The following POLR2I variants were observed in gnomAD, a reference collection of about 807,000 sequenced individuals.
The protein encoded by POLR2I is DNA-directed RNA polymerase II subunit RPB9.
A neutral mutation model predicts 23.0 loss-of-function variants in POLR2I; 15 were observed. The ratio of observed to expected loss-of-function variants is 0.65; its 90% CI spans 0.44 to 1.00. The LOEUF (loss-of-function observed/expected upper bound fraction) is 1.00. POLR2I is among the 50% of genes least tolerant of loss of function. The pLI is 0.00. For synonymous variants in POLR2I, 72 were observed against 65.4 expected (o/e 1.10, Z -0.49); for missense variants, 120 against 173.7 (o/e 0.69, Z 1.74).
At position 36,113,726 on chromosome 19, in the gene POLR2I, T is replaced by C. The variant is rs1973885989; in HGVS notation, c.*29A>G. The C allele has an allele frequency of 3.7e-6, 6 of 1,609,190 alleles. 1 individual carries two copies. The South Asian group carries it at 5.5e-5, about 15-fold the overall frequency. On this transcript the variant is annotated 3_prime_UTR_variant, in exon 6 of 6. Transcript: ENST00000221859. Reference sequence around the variant, plus strand: ...CAGAAAACTCACGCATGGAATCTGGTGTTTATTACACTCGGGGGAGAGAGG... The same window carrying C: ...CAGAAAACTCACGCATGGAATCTGGCGTTTATTACACTCGGGGGAGAGAGG...
At position 36,114,669 on chromosome 19, in the gene POLR2I, A is replaced by G; in HGVS notation, c.104T>C (p.Leu35Pro). The G allele has an allele frequency of 6.2e-7, 1 of 1,609,848 alleles. No homozygotes were observed. The highest frequency in any genetic ancestry group is 8.5e-7 in the Non-Finnish European group (1 of 1,176,540). ...YPKEDKENRI[L>P]LYACRNCDYQ... ...GACCCCGGCGCTCACCGCGTAGAGCAGAATGCGGTTCTCCTTGTCTTCCTT... is the reference window on the plus strand; with the variant it reads ...GACCCCGGCGCTCACCGCGTAGAGCGGAATGCGGTTCTCCTTGTCTTCCTT... Residue 35 changes from leucine to proline, a missense_variant, in exon 2 of 6, where the codon CTG becomes CCG. Coordinates refer to ENST00000221859, the MANE Select transcript of POLR2I (RefSeq NM_006233.5). The surrounding 1 kb of genome is among the most constrained non-coding windows in gnomAD (Gnocchi z 4.5).
In POLR2I at chr19:36,114,247, G is replaced by T; in HGVS notation, c.193C>A (p.Leu65Met). The T allele has an allele frequency of 6.2e-7, 1 of 1,613,944 alleles. No individual in the cohort carries two copies. The highest frequency in any genetic ancestry group is 8.5e-7 in the Non-Finnish European group (1 of 1,179,936). The change falls in exon 4 of 6, where the codon CTG becomes ATG. Residue 65 changes from leucine (L) to methionine (M), a missense_variant. Leu to Met is a conservative substitution (Grantham distance 15, BLOSUM62 2). Transcript: ENST00000221859. The surrounding 1 kb of genome is among the most constrained non-coding windows in gnomAD (Gnocchi z 4.5). ...GACACGTCGGCGATAATCTGGGTCA[G>T]TTCGCTGCAGGGACGCGGGGGTGCA... is the stretch of plus-strand genomic sequence containing the variant. ...VNKITHEVDE[L>M]TQIIADVSQD...
Position 36,114,478 on chromosome 19 carries a change from G to T in POLR2I, c.115-66C>A. ...GATTCCAGACAAGATTGGGAGGAGA[G>T]GGCAGGGTGATCCCGGAGGATATGA... On this transcript the variant is annotated intron_variant, in intron 2 of 5. Coordinates refer to ENST00000221859, the MANE Select transcript of POLR2I (RefSeq NM_006233.5). The surrounding 1 kb of genome is among the most constrained non-coding windows in gnomAD (Gnocchi z 4.5). The T allele has an allele frequency of 6.7e-7, 1 of 1,483,374 alleles. No homozygotes were observed. 91.9% of individuals were successfully genotyped at this position (1,483,374 alleles called of 1,614,324 possible). A position where few individuals can be genotyped will look rare whatever the true frequency, so the allele number is the denominator to read the frequency against.
Position 36,113,799 on chromosome 19 carries a change from AGTAAAGGCGCATGGCG to A in POLR2I, c.318_333del (p.Ala107ThrfsTer30). On this transcript the variant is annotated frameshift_variant and splice_region_variant, in exon 6 of 6. Coordinates refer to ENST00000221859, the MANE Select transcript of POLR2I (RefSeq NM_006233.5). LOFTEE classifies it high-confidence loss of function. ...CCGCAGTGTGGGGCTGTGCACACGTAGTAAAGGCGCATGGCGTCCTGGCAGAAATGATGCATGGTTA... is the reference window on the plus strand; with the variant it reads ...CCGCAGTGTGGGGCTGTGCACACGTATCCTGGCAGAAATGATGCATGGTTA... 6.2e-7 allele frequency: 1 copy of A among 1,613,118 alleles called. No homozygotes were observed. Among genetic ancestry groups the A allele is most frequent in the Non-Finnish European group, 8.5e-7 (1 of 1,179,940 alleles).
Position 36,114,594 on chromosome 19 carries a change from G to T in POLR2I, c.114+65C>A. 6.8e-7 allele frequency: 1 copy of T among 1,476,100 alleles called. No individual in the cohort carries two copies. Among genetic ancestry groups the T allele is most frequent in the Non-Finnish European group, 9.4e-7 (1 of 1,065,632 alleles). 91.4% of individuals were successfully genotyped at this position (1,476,100 alleles called of 1,614,324 possible). On this transcript the variant is annotated intron_variant, in intron 2 of 5. Transcript: ENST00000221859. The surrounding 1 kb of genome is among the most constrained non-coding windows in gnomAD (Gnocchi z 4.5). ...GCGAACAGGGAGTCCGATCACAGAG[G>T]CAGGGGGCAGGGCGGGGCCACGCTG...
In POLR2I at chr19:36,114,262, G is replaced by A; in HGVS notation, c.189-11C>T. 4 of 1,613,972 alleles carry A rather than the reference G, an allele frequency of 2.5e-6. No homozygotes were observed. Among genetic ancestry groups the A allele is most frequent in the Non-Finnish European group, 3.4e-6 (4 of 1,179,936 alleles). On this transcript the variant is annotated splice_polypyrimidine_tract_variant and intron_variant, in intron 3 of 5. Coordinates refer to ENST00000221859, the MANE Select transcript of POLR2I (RefSeq NM_006233.5). The surrounding 1 kb of genome is among the most constrained non-coding windows in gnomAD (Gnocchi z 4.5). ...ATCTGGGTCAGTTCGCTGCAGGGAC[G>A]CGGGGGTGCAAAATTACGCTCAGAC...
At position 36,114,051 on chromosome 19, in the gene POLR2I, C is replaced by G. The variant is rs1973893937; in HGVS notation, c.279G>C (p.Glu93Asp). Residue 93 changes from glutamate (E) to aspartate (D), a missense_variant, in exon 5 of 6, where the codon GAG (glutamate) becomes GAC (aspartate). Physicochemically the swap from Glu to Asp is conservative, Grantham distance 45 (BLOSUM62 2). Transcript: ENST00000221859. This position sits in a 1 kb window ranked among gnomAD's most constrained non-coding sequence, Gnocchi z 4.5. ...DHPCQKCGHKEAVFFQSHSAR... is the reference protein window; with the variant it reads ...DHPCQKCGHKDAVFFQSHSAR... ...CACTGTGTGACTGGAAGAACACAGCCTCCTTGTGGCCGCACCTGAGAGGGT... is the reference window on the plus strand; with the variant it reads ...CACTGTGTGACTGGAAGAACACAGCGTCCTTGTGGCCGCACCTGAGAGGGT... 6.2e-7 allele frequency: 1 copy of G among 1,614,094 alleles called. No individual in the cohort carries two copies. The highest frequency in any genetic ancestry group is 1.1e-5 in the South Asian group (1 of 91,082).
At position 36,114,507 on chromosome 19, in the gene POLR2I, C is replaced by G; in HGVS notation, c.115-95G>C. The G allele has an allele frequency of 7.3e-7, 1 of 1,366,304 alleles. No individual in the cohort carries two copies. Among genetic ancestry groups the G allele is most frequent in the South Asian group, 1.2e-5 (1 of 85,736 alleles). The allele number at this position is 1,366,304 out of a possible 1,614,324, so 84.6% of individuals were successfully genotyped here. A position where few individuals can be genotyped will look rare whatever the true frequency, so the allele number is the denominator to read the frequency against. ...AGGGTGATCCCGGAGGATATGACGA[C>G]AGGACTCTCTTTGGGGATGGGCAGG... On this transcript the variant is annotated intron_variant, in intron 2 of 5. Transcript: ENST00000221859. This position sits in a 1 kb window ranked among gnomAD's most constrained non-coding sequence, Gnocchi z 4.5.
Position 36,114,298 on chromosome 19 carries a change from G to C in POLR2I, c.188+41C>G. 6.2e-7 allele frequency: 1 copy of C among 1,613,012 alleles called. No homozygotes were observed. Among genetic ancestry groups the C allele is most frequent in the Non-Finnish European group, 8.5e-7 (1 of 1,179,468 alleles). ...AAATTACGCTCAGACCCAGCCTCCAGAGCCAACACCCCCGCCCCCAGCTCA... is the reference window on the plus strand; with the variant it reads ...AAATTACGCTCAGACCCAGCCTCCACAGCCAACACCCCCGCCCCCAGCTCA... On this transcript the variant is annotated intron_variant, in intron 3 of 5. Transcript: ENST00000221859. The surrounding 1 kb of genome is among the most constrained non-coding windows in gnomAD (Gnocchi z 4.5).
Position 36,114,085 on chromosome 19 carries a change from G to A in POLR2I, c.264-19C>T, listed in dbSNP as rs373777567. The A allele has an allele frequency of 3.1e-6, 5 of 1,613,778 alleles. No homozygotes were observed. The highest frequency in any genetic ancestry group is 4.5e-5 in the East Asian group (2 of 44,876). On this transcript the variant is annotated intron_variant, in intron 4 of 5. Transcript: ENST00000221859. This position sits in a 1 kb window ranked among gnomAD's most constrained non-coding sequence, Gnocchi z 4.5. ...GCCGCACCTGAGAGGGTAGGGGCTC[G>A]GTCACCGGAGGCTTCACACCCTTCC...
In POLR2I at chr19:36,114,442, G is replaced by A; in HGVS notation, c.115-30C>T. ...GAGAGGGCGAGTGTGGGGGAAAGGG[G>A]GTCACGGAAGGATTCCAGACAAGAT... On this transcript the variant is annotated intron_variant, in intron 2 of 5. Coordinates refer to ENST00000221859, the MANE Select transcript of POLR2I (RefSeq NM_006233.5). This position sits in a 1 kb window ranked among gnomAD's most constrained non-coding sequence, Gnocchi z 4.5. 1.9e-6 allele frequency: 3 copies of A among 1,598,312 alleles called. No individual in the cohort carries two copies. Among genetic ancestry groups the A allele is most frequent in the African/African-American group, 2.7e-5 (2 of 74,730 alleles).
Position 36,114,556 on chromosome 19 carries a change from G to T in POLR2I, c.114+103C>A. 1 of 1,323,934 alleles carries T rather than the reference G, an allele frequency of 7.6e-7. No homozygotes were observed. Among genetic ancestry groups the T allele is most frequent in the Non-Finnish European group, 1.1e-6 (1 of 928,404 alleles). 82.0% of individuals were successfully genotyped at this position (1,323,934 alleles called of 1,614,324 possible). On this transcript the variant is annotated intron_variant, in intron 2 of 5. Coordinates refer to ENST00000221859, the MANE Select transcript of POLR2I (RefSeq NM_006233.5). The surrounding 1 kb of genome is among the most constrained non-coding windows in gnomAD (Gnocchi z 4.5). ...GGACATGAGAGTCAGGATCACTTGA[G>T]GTGCAGCGGAGGGCGAACAGGGAGT...
At chr19:36,113,858 G>C in intron 5 of POLR2I, 41 bp from the exon 6 acceptor site, 1 of 1,607,010 alleles carries the variant, frequency 6.2e-7, no homozygotes, top group Non-Finnish European at 8.5e-7. Context: ...TTTGGACCCA[G>C]CAGCGCCTTA....
rs780197222 is a variant in POLR2I, at chr19:36,114,069, G to A, written c.264-3C>T. Reference sequence around the variant, plus strand: ...ACACAGCCTCCTTGTGGCCGCACCTGAGAGGGTAGGGGCTCGGTCACCGGA... The same window carrying A: ...ACACAGCCTCCTTGTGGCCGCACCTAAGAGGGTAGGGGCTCGGTCACCGGA... On this transcript the variant is annotated splice_polypyrimidine_tract_variant and splice_region_variant and intron_variant, in intron 4 of 5. Coordinates refer to ENST00000221859, the MANE Select transcript of POLR2I (RefSeq NM_006233.5). This position sits in a 1 kb window ranked among gnomAD's most constrained non-coding sequence, Gnocchi z 4.5. 2.5e-6 allele frequency: 4 copies of A among 1,614,042 alleles called. No individual in the cohort carries two copies. Among genetic ancestry groups the A allele is most frequent in the Non-Finnish European group, 3.4e-6 (4 of 1,179,978 alleles).
chr19:36,114,004 G>C lies in POLR2I; in HGVS notation c.315+11C>G, dbSNP rs772723019. On this transcript the variant is annotated intron_variant, in intron 5 of 5. Transcript: ENST00000221859. This position sits in a 1 kb window ranked among gnomAD's most constrained non-coding sequence, Gnocchi z 4.5. ...AGCCCCAGATACTTAGAAAGCCCTC[G>C]CGCCACTTACCTCGGCCCGCGCACT... is the stretch of plus-strand genomic sequence containing the variant. 3 of 1,613,158 alleles carry C rather than the reference G, an allele frequency of 1.9e-6. No homozygotes were observed. The highest frequency in any genetic ancestry group is 2.7e-5 in the African/African-American group (2 of 74,860).
chr19:36,113,795 A>T lies in POLR2I; in HGVS notation c.338T>A (p.Val113Glu). ...RAEDAMRLYY[V>E]CTAPHCGHRW... The stretch of plus-strand genomic sequence containing the variant: ...GTGGCCGCAGTGTGGGGCTGTGCAC[A>T]CGTAGTAAAGGCGCATGGCGTCCTG... The change falls in exon 6 of 6, where the codon GTG becomes GAG. Residue 113 changes from valine to glutamate, a missense_variant. Transcript: ENST00000221859. The T allele has an allele frequency of 6.2e-7, 1 of 1,613,244 alleles. No homozygotes were observed. The highest frequency in any genetic ancestry group is 8.5e-7 in the Non-Finnish European group (1 of 1,179,958).
rs371393156 is a variant in POLR2I, at chr19:36,113,983, C to T, written c.315+32G>A. 27 of 1,611,648 alleles carry T rather than the reference C, an allele frequency of 1.7e-5. No individual in the cohort carries two copies. The African/African-American group carries it at 2.1e-4, about 13-fold the overall frequency. Reference sequence around the variant, plus strand: ...GCCCCCAGAAAGGACCAAACAAGCCCCAGATACTTAGAAAGCCCTCGCGCC... The same window carrying T: ...GCCCCCAGAAAGGACCAAACAAGCCTCAGATACTTAGAAAGCCCTCGCGCC... On this transcript the variant is annotated intron_variant, in intron 5 of 5. Transcript: ENST00000221859.
chr19:36,114,109 C>T lies in POLR2I; in HGVS notation c.264-43G>A, dbSNP rs1312871994. The T allele has an allele frequency of 4.3e-6, 7 of 1,613,384 alleles. No homozygotes were observed. The African/African-American group carries it at 6.7e-5, about 15-fold the overall frequency. On this transcript the variant is annotated intron_variant, in intron 4 of 5. Transcript: ENST00000221859. This position sits in a 1 kb window ranked among gnomAD's most constrained non-coding sequence, Gnocchi z 4.5. ...CGGTCACCGGAGGCTTCACACCCTT[C>T]CCTCCTCCCTTCGCCCAGTGAGGAG...
At chr19:36,113,907 A>G in intron 5 of POLR2I, 90 bp from the exon 6 acceptor site, 2 of 1,576,214 alleles carry the variant, frequency 1.3e-6, no homozygotes, top group Non-Finnish European at 1.7e-6. Context: ...CCAATAGGTA[A>G]GGGCCCGGCA....
Sources: gnomAD v4.1 joint callset for allele counts on GRCh38, gnomAD v4.1.1 for gene constraint, Gnocchi (gnomAD v3.1) non-coding constraint, MANE v1.5 for transcripts, NCBI Gene and HGNC (gene_info 2026-07-23, HGNC 2026-07-21) for gene names.